The following AFF1 variants were observed in gnomAD, a reference collection of about 807,000 sequenced individuals.
The protein encoded by AFF1 is ALF transcription elongation factor 1.
A neutral mutation model predicts 121.7 loss-of-function variants in AFF1; 48 were observed. The ratio of observed to expected loss-of-function variants is 0.39; its 90% confidence interval spans 0.31 to 0.50. The LOEUF (loss-of-function observed/expected upper bound fraction) is 0.50, where lower values mean the gene tolerates loss of function less well. Ranked by LOEUF, AFF1 falls within the 20% of genes least tolerant of loss-of-function variation. The pLI is 0.76. For synonymous variants in AFF1, 613 were observed against 563.0 expected (o/e 1.09, Z -1.26); for missense variants, 1,523 against 1,511.7 (o/e 1.01, Z -0.12).
At chr4:87,124,416 G>GA (rs974334364) in intron 12 of AFF1, among the ~76,000 whole-genome samples, 1 of 152,102 alleles carries the variant, frequency 6.6e-6, no homozygotes, top group African/African-American at 2.4e-5. Flanking sequence ...CAGTGGAGGG[G>GA]AAAAAATGTT....
intron 1 of AFF1, among the ~76,000 whole-genome samples, chr4:86,941,164 A>G (rs900643179): frequency 2.6e-5 from 4 of 152,192 alleles, no homozygotes; most frequent in African/African-American, 7.2e-5. Flanking sequence ...CCTTAGTGCT[A>G]GGAGACTATC....
Position 87,022,770 on chromosome 4 carries a change from G to T in AFF1, c.39-23396G>T, listed in dbSNP as rs1243256939. On this transcript the variant is annotated intron_variant, in intron 2 of 20. Coordinates refer to ENST00000395146, the MANE Select transcript of AFF1 (RefSeq NM_001166693.3). ...TGTATATATATATAATATCATGTGTGTGTATATATATACATATCACGTGTG... is the reference window on the plus strand; with the variant it reads ...TGTATATATATATAATATCATGTGTTTGTATATATATACATATCACGTGTG... 2.0e-5 allele frequency among the ~76,000 whole-genome samples: 3 copies of T among 150,062 alleles called. 1 individual carries two copies. Among genetic ancestry groups the T allele is most frequent in the Admixed American group, 6.7e-5 (1 of 15,008 alleles).
At position 87,138,889 on chromosome 4, in the gene AFF1, C is replaced by T. The variant is rs1246493155; in HGVS notation, c.*3188C>T. The T allele has an allele frequency of 1.3e-5, 3 of 228,332 alleles. No homozygotes were observed. Among genetic ancestry groups the T allele is most frequent in the East Asian group, 1.3e-4 (2 of 15,980 alleles). The allele number at this position is 228,332 out of a possible 1,614,324, so 14.1% of individuals were successfully genotyped here. ...GCTATTTCCCTTACACAGATTGGAC[C>T]GCACTTATCTCCCTTGTCCTGTATC... On this transcript the variant is annotated 3_prime_UTR_variant, in exon 21 of 21. Coordinates refer to ENST00000395146, the MANE Select transcript of AFF1 (RefSeq NM_001166693.3).
intron 6 of AFF1, 144 bp from the exon 7 acceptor site, chr4:87,091,649 G>A: frequency 1.7e-6 from 1 of 579,922 alleles, no homozygotes; most frequent in Non-Finnish European, 3.0e-6. Context: ...GGGTAGTATG[G>A]GTATTCTCTA....
At position 86,976,811 on chromosome 4, in the gene AFF1, G is replaced by A. The variant is rs115301557; in HGVS notation, c.38+28240G>A. On this transcript the variant is annotated intron_variant, in intron 2 of 20. Coordinates refer to ENST00000395146, the MANE Select transcript of AFF1 (RefSeq NM_001166693.3). ...GGAGCCAGAACTGGGTGCCTACCTC[G>A]GTGTCTCACATGCCCATACCTGATG... Among the ~76,000 whole-genome samples the A allele has an allele frequency of 6.5e-3, 985 of 152,254 alleles. 6 individuals are homozygous for A. Among genetic ancestry groups the A allele is most frequent in the Middle Eastern group, 0.017 (5 of 294 alleles).
At chr4:87,131,771 G>A in intron 17 of AFF1, 22 bp from the exon 18 acceptor site, 1 of 1,557,594 alleles carries the variant, frequency 6.4e-7, no homozygotes, top group Non-Finnish European at 8.8e-7. Context: ...AAAACCTGAT[G>A]TACTTTTATA....
rs1469776557 is a variant in AFF1 at position 87,132,333 on chromosome 4, A to G, written c.3236A>G (p.Lys1079Arg). ...MFRCKKDIAI[K>R]YSRTLNKHFE... ...CGTTGTAAAAAAGACATAGCAATAAAGTATTCTCGTACTCTTAATAAACAC... is the reference window on the plus strand; with the variant it reads ...CGTTGTAAAAAAGACATAGCAATAAGGTATTCTCGTACTCTTAATAAACAC... The change falls in exon 19 of 21, where the codon AAG becomes AGG. Residue 1079 changes from lysine to arginine, a missense_variant. Lys to Arg is a conservative substitution (Grantham distance 26). Coordinates refer to ENST00000395146, the MANE Select transcript of AFF1 (RefSeq NM_001166693.3). The G allele has an allele frequency of 5.6e-6, 9 of 1,613,374 alleles. No individual in the cohort carries two copies. The highest frequency in any genetic ancestry group is 1.3e-5 in the African/African-American group (1 of 74,878).
Position 87,040,236 on chromosome 4 carries a change from C to T in AFF1, c.39-5930C>T, listed in dbSNP as rs998671857. Among the ~76,000 whole-genome samples the T allele has an allele frequency of 5.3e-5, 8 of 152,152 alleles. 1 individual carries two copies. The highest frequency in any genetic ancestry group is 1.4e-4 in the African/African-American group (6 of 41,426). On this transcript the variant is annotated intron_variant, in intron 2 of 20. Coordinates refer to ENST00000395146, the MANE Select transcript of AFF1 (RefSeq NM_001166693.3). ...GAAAGAGCAGCTTCATGCCATTGGC[C>T]ATCCTTCTCTCAAAGGGGTCCTCTG...
intron 5 of AFF1, among the ~76,000 whole-genome samples, chr4:87,085,731 G>T (rs1000578652): frequency 6.6e-6 from 1 of 150,602 alleles, no homozygotes; most frequent in Non-Finnish European, 1.5e-5. Context: ...GAGAAAGAAA[G>T]AACCTCTAGA....
intron 2 of AFF1, among the ~76,000 whole-genome samples, chr4:86,972,070 C>T (rs967622792): frequency 1.1e-4 from 14 of 128,770 alleles, no homozygotes; most frequent in Admixed American, 6.9e-4. Flanking sequence ...CCCAGGAGGT[C>T]GAGGCTCCTG....
chr4:87,096,392 T>A (rs1724869371), intron 8 of AFF1, among the ~76,000 whole-genome samples: 1 of 123,164 alleles, frequency 8.1e-6, no homozygotes. Flanking sequence ...ACACCCGGCT[T>A]TTTTTTTTTT....
At chr4:87,092,818 T>G (rs1724452425) in intron 7 of AFF1, among the ~76,000 whole-genome samples, 1 of 152,206 alleles carries the variant, frequency 6.6e-6, no homozygotes, top group African/African-American at 2.4e-5. Context: ...TAAAATTAAC[T>G]GAAATGGATG....
intron 2 of AFF1, among the ~76,000 whole-genome samples, chr4:86,956,946 C>A (rs2149462172): frequency 6.6e-6 from 1 of 152,212 alleles, no homozygotes; most frequent in East Asian, 1.9e-4. Flanking sequence ...TGTTTGGAGT[C>A]ATCTTTATTT....
chr4:87,036,781 A>T, intron 2 of AFF1: 1 of 514,284 alleles, frequency 1.9e-6, no homozygotes, highest in Non-Finnish European at 3.9e-6. Context: ...ATGTTAGAAC[A>T]TATTCTCTAA....
At chr4:87,068,924 C>T (rs1470828638) in intron 4 of AFF1, among the ~76,000 whole-genome samples, 1 of 152,154 alleles carries the variant, frequency 6.6e-6, no homozygotes, top group African/African-American at 2.4e-5. Context: ...AAGACATGTT[C>T]ACAGAGGTGA....
At chr4:86,964,041 C>T (rs748736993) in intron 2 of AFF1, among the ~76,000 whole-genome samples, 5 of 143,340 alleles carry the variant, frequency 3.5e-5, no homozygotes, top group Non-Finnish European at 7.5e-5. Flanking sequence ...TAGTTCTGAA[C>T]TCCTGGCCTC....
intron 12 of AFF1, among the ~76,000 whole-genome samples, chr4:87,116,750 A>G (rs1186297150): frequency 1.3e-5 from 2 of 152,202 alleles, no homozygotes; most frequent in Non-Finnish European, 2.9e-5. Context: ...ATCCAGTGCT[A>G]GTAAGTGCTC....
intron 2 of AFF1, among the ~76,000 whole-genome samples, chr4:87,035,875 T>C (rs1729516494): frequency 6.6e-6 from 1 of 152,154 alleles, no homozygotes; most frequent in African/African-American, 2.4e-5. Context: ...ACATTCTTAG[T>C]TTGTAACTGT....
At chr4:86,944,628 G>T (rs182837474) in intron 1 of AFF1, among the ~76,000 whole-genome samples, 2 of 152,246 alleles carry the variant, frequency 1.3e-5, no homozygotes, top group East Asian at 3.9e-4. Context: ...ACAGACAGCC[G>T]CGGCGCCCAG....
Sources: gnomAD v4.1 joint callset for allele counts (sites outside exome capture counted in the v4.1 genomes callset) on GRCh38, gnomAD v4.1.1 for gene constraint, MANE v1.5 for transcripts, NCBI Gene and HGNC (gene_info 2026-07-23, HGNC 2026-07-21) for gene names.